Variants in LINC00305 observed in about 807,000 individuals in gnomAD.
The protein encoded by LINC00305 is long intergenic non-protein coding RNA 305.
At chr18:64,090,695 T>G (rs73962134) in intron 3 of LINC00305, among the ~76,000 whole-genome samples, 4,115 of 152,324 alleles carry the variant, frequency 0.027, 163 homozygotes, top group African/African-American at 0.094. Context: ...CAGTCTCTCT[T>G]TATGTGTCAT....
intron 1 of LINC00305, among the ~76,000 whole-genome samples, chr18:64,134,371 G>A (rs1314412437): frequency 1.3e-5 from 2 of 152,114 alleles, no homozygotes; most frequent in Admixed American, 1.3e-4. Context: ...AAATTTTCTT[G>A]AACTGATCAA....
chr18:64,142,834 A>G (rs1047851983), intron 1 of LINC00305, among the ~76,000 whole-genome samples: 9 of 152,194 alleles, frequency 5.9e-5, no homozygotes, highest in African/African-American at 1.9e-4. Flanking sequence ...GAGAATGAAT[A>G]AGTAAAACGA....
At chr18:64,142,425 A>G (rs1057408292) in intron 1 of LINC00305, among the ~76,000 whole-genome samples, 3 of 152,138 alleles carry the variant, frequency 2.0e-5, no homozygotes, top group African/African-American at 7.2e-5. Flanking sequence ...AATTGTATTT[A>G]CCAGAGGATT....
chr18:64,118,310 G>C (rs2051346723), intron 1 of LINC00305, among the ~76,000 whole-genome samples: 1 of 152,120 alleles, frequency 6.6e-6, no homozygotes, highest in African/African-American at 2.4e-5. Flanking sequence ...CTGTAATGTA[G>C]ATATACATAC....
At chr18:64,126,269 C>T (rs1249836905) in intron 1 of LINC00305, among the ~76,000 whole-genome samples, 1 of 151,858 alleles carries the variant, frequency 6.6e-6, no homozygotes, top group Non-Finnish European at 1.5e-5. Flanking sequence ...AGGATCATTT[C>T]TAGATGATAG....
chr18:64,134,117 G>C (rs756588823), intron 1 of LINC00305, among the ~76,000 whole-genome samples: 4 of 152,110 alleles, frequency 2.6e-5, no homozygotes, highest in Non-Finnish European at 5.9e-5. Context: ...TGGAAGATTA[G>C]TTCAATATAA....
At chr18:64,144,960 G>A (rs1043946316) in intron 1 of LINC00305, among the ~76,000 whole-genome samples, 6 of 152,078 alleles carry the variant, frequency 3.9e-5, no homozygotes, top group Non-Finnish European at 5.9e-5. Flanking sequence ...CATGGGGGTC[G>A]CCTGTCCTTA....
chr18:64,100,499 ATCT>A (rs1167153327), intron 1 of LINC00305, among the ~76,000 whole-genome samples: 1 of 152,172 alleles, frequency 6.6e-6, no homozygotes, highest in Non-Finnish European at 1.5e-5. Flanking sequence ...AAATCAGTCC[ATCT>A]TCTTCACTGG....
chr18:64,143,541 A>G (rs1186895399), intron 1 of LINC00305, among the ~76,000 whole-genome samples: 1 of 134,380 alleles, frequency 7.4e-6, no homozygotes, highest in African/African-American at 2.8e-5. Flanking sequence ...GTACATATAT[A>G]TGTACACATA....
At chr18:64,097,024 A>T (rs2051247620) in intron 3 of LINC00305, among the ~76,000 whole-genome samples, 1 of 151,986 alleles carries the variant, frequency 6.6e-6, no homozygotes, top group Non-Finnish European at 1.5e-5. Context: ...AATGCTAAGA[A>T]TTCTGGAGGA....
At chr18:64,143,558 G>A (rs539877241) in intron 1 of LINC00305, among the ~76,000 whole-genome samples, 8,555 of 33,480 alleles carry the variant, frequency 0.26, 634 homozygotes, top group Non-Finnish European at 0.32. Flanking sequence ...CATATTATGT[G>A]TACATATATA....
chr18:64,128,858 G>A (rs931809922), intron 1 of LINC00305, among the ~76,000 whole-genome samples: 2 of 152,020 alleles, frequency 1.3e-5, no homozygotes, highest in Non-Finnish European at 2.9e-5. Flanking sequence ...AGATTCTTCC[G>A]GAACTCTGCA....
intron 1 of LINC00305, among the ~76,000 whole-genome samples, chr18:64,138,509 A>ACAGC (rs1393040852): frequency 3.9e-5 from 6 of 152,204 alleles, no homozygotes; most frequent in African/African-American, 1.4e-4. Flanking sequence ...AGAACAGTTG[A>ACAGC]CAGCCCTTTC....
rs577483144 is a variant in LINC00305 at position 64,114,264 on chromosome 18, G to A, written n.315-15624C>T. ...CAGCCTGGGCGACAGAAAATTTAAC[G>A]TTCAGGGTTCTAAAGTGCAAACTTT... On this transcript the variant is annotated intron_variant and non_coding_transcript_variant, in intron 1 of 3. Transcript: ENST00000666468. Among the ~76,000 whole-genome samples the A allele has an allele frequency of 6.6e-5, 10 of 152,244 alleles. No homozygotes were observed. In the South Asian group the frequency reaches 1.9e-3, roughly 28 times the overall value.
intron 1 of LINC00305, among the ~76,000 whole-genome samples, chr18:64,130,665 T>C (rs1160296955): frequency 6.6e-6 from 1 of 152,188 alleles, no homozygotes; most frequent in East Asian, 1.9e-4. Flanking sequence ...TCATCAGCTC[T>C]GTACTAAGAA....
At chr18:64,147,741 C>T (rs1463789923) in intron 1 of LINC00305, among the ~76,000 whole-genome samples, 4 of 152,178 alleles carry the variant, frequency 2.6e-5, no homozygotes, top group African/African-American at 9.6e-5. Context: ...AATATGATGA[C>T]GTGGATTGAT....
chr18:64,082,938 A>T (rs189878044), intron 3 of LINC00305, among the ~76,000 whole-genome samples: 19 of 152,232 alleles, frequency 1.2e-4, no homozygotes. Flanking sequence ...TTAACTCCAG[A>T]TAAAACATTT....
intron 1 of LINC00305, among the ~76,000 whole-genome samples, chr18:64,135,402 T>G (rs1381260751): frequency 6.6e-6 from 1 of 152,274 alleles, no homozygotes; most frequent in East Asian, 1.9e-4. Context: ...GTTAAGGCTA[T>G]ATATGTGCCA....
rs189356509 is a variant in LINC00305 at position 64,098,710 on chromosome 18, C to A, written n.315-70G>T. The A allele has an allele frequency of 2.4e-4, 91 of 375,150 alleles. 1 individual carries two copies. The East Asian group carries it at 6.4e-3, about 26-fold the overall frequency. 23.2% of individuals were successfully genotyped at this position (375,150 alleles called of 1,614,324 possible). A position where few individuals can be genotyped will look rare whatever the true frequency, so the allele number is the denominator to read the frequency against. On this transcript the variant is annotated intron_variant and non_coding_transcript_variant, in intron 1 of 3. Coordinates refer to ENST00000666468, the Ensembl canonical transcript of LINC00305. ...TGCAAAACACAATGAAAGTGAGTAA[C>A]CCTGGGAGTGTAAAAGTCCCCCATT...
Sources: allele counts gnomAD v4.1 joint callset (sites outside exome capture counted in the v4.1 genomes callset), GRCh38; gene constraint gnomAD v4.1.1; transcripts MANE v1.5; gene names NCBI Gene and HGNC (gene_info 2026-07-23, HGNC 2026-07-21).